Variants in SMYD3 observed in about 807,000 individuals in gnomAD.
SMYD3 encodes SET and MYND domain containing 3, also known as histone-lysine N-methyltransferase SMYD3.
Under a neutral mutation model 57.7 loss-of-function variants are expected in SMYD3, and 36 were observed. The ratio of observed to expected loss-of-function variants is 0.62; its 90% CI spans 0.48 to 0.82. The LOEUF (loss-of-function observed/expected upper bound fraction) is 0.82, where lower values mean the gene tolerates loss of function less well. Among genes scored for constraint, SMYD3 ranks in the 40% least tolerant of loss-of-function variants. SMYD3 has a pLI of 0.00. For missense variants in SMYD3, 515 were observed against 538.8 expected, an observed-to-expected ratio of 0.96 and a Z score of 0.44; for synonymous variants, 211 against 195.0, an observed-to-expected ratio of 1.08 and a Z score of -0.68.
At chr1:245,952,800 C>T (rs1055101704) in intron 5 of SMYD3, among the ~76,000 whole-genome samples, 10 of 152,166 alleles carry the variant, frequency 6.6e-5, no homozygotes, top group South Asian at 6.2e-4. Flanking sequence ...TCGAGCAGAA[C>T]GCTGTGAAAA....
At chr1:245,778,418 G>A (rs114996531) in intron 10 of SMYD3, among the ~76,000 whole-genome samples, 1 of 152,208 alleles carries the variant, frequency 6.6e-6, no homozygotes, top group African/African-American at 2.4e-5. Context: ...ACAATTCAAT[G>A]GAGTAAGGAT....
At chr1:246,144,460 T>C (rs1412095384) in intron 5 of SMYD3, among the ~76,000 whole-genome samples, 1 of 152,216 alleles carries the variant, frequency 6.6e-6, no homozygotes, top group East Asian at 1.9e-4. Flanking sequence ...AATTATACCC[T>C]AGAAGAAAGT....
chr1:245,818,268 C>T (rs556060766), intron 10 of SMYD3, among the ~76,000 whole-genome samples: 14 of 152,276 alleles, frequency 9.2e-5, no homozygotes, highest in Admixed American at 2.6e-4. Flanking sequence ...GAATTTTCAA[C>T]CCAGAATTTC....
At chr1:246,112,979 A>G (rs2061273870) in intron 5 of SMYD3, among the ~76,000 whole-genome samples, 1 of 152,118 alleles carries the variant, frequency 6.6e-6, no homozygotes, top group Non-Finnish European at 1.5e-5. Flanking sequence ...CAGGAGTTCG[A>G]GACCAGCCTG....
chr1:246,344,240 T>C (rs1009205434), intron 2 of SMYD3, among the ~76,000 whole-genome samples: 1 of 152,172 alleles, frequency 6.6e-6, no homozygotes, highest in African/African-American at 2.4e-5. Flanking sequence ...AAGCTACAGA[T>C]GTTAGTACTC....
chr1:246,171,073 G>A (rs939616192), intron 5 of SMYD3, among the ~76,000 whole-genome samples: 1 of 151,768 alleles, frequency 6.6e-6, no homozygotes, highest in Non-Finnish European at 1.5e-5. Context: ...TACATGTTAT[G>A]GTTCTCTATT....
chr1:246,402,980 TGAA>T (rs1230372960), intron 1 of SMYD3, among the ~76,000 whole-genome samples: 1 of 152,180 alleles, frequency 6.6e-6, no homozygotes, highest in Non-Finnish European at 1.5e-5. Context: ...TGAATAAAAA[TGAA>T]GCTCACTCAT....
At chr1:246,159,323 G>A (rs947978123) in intron 5 of SMYD3, among the ~76,000 whole-genome samples, 8 of 152,086 alleles carry the variant, frequency 5.3e-5, no homozygotes, top group South Asian at 2.1e-4. Context: ...GTAGCTCACC[G>A]GGGGCTGCTC....
chr1:246,030,506 G>A (rs943821694), intron 5 of SMYD3, among the ~76,000 whole-genome samples: 2 of 152,138 alleles, frequency 1.3e-5, no homozygotes, highest in African/African-American at 2.4e-5. Context: ...AGCATTGTAC[G>A]CTGAATATGC....
At chr1:246,334,626 C>T (rs542830768) in intron 3 of SMYD3, among the ~76,000 whole-genome samples, 1 of 152,262 alleles carries the variant, frequency 6.6e-6, no homozygotes, top group South Asian at 2.1e-4. Context: ...TGCTCACTAC[C>T]TCGGTGATGG....
chr1:246,168,365 A>G (rs2062259293), intron 5 of SMYD3, among the ~76,000 whole-genome samples: 1 of 152,220 alleles, frequency 6.6e-6, no homozygotes, highest in Non-Finnish European at 1.5e-5. Context: ...AGGAAGTCAC[A>G]GGTTTTTTGC....
intron 5 of SMYD3, among the ~76,000 whole-genome samples, chr1:246,173,507 T>C (rs1000308393): frequency 6.6e-6 from 1 of 152,270 alleles, no homozygotes; most frequent in Non-Finnish European, 1.5e-5. Flanking sequence ...CACTAACACA[T>C]TGTTCAGCTG....
intron 8 of SMYD3, among the ~76,000 whole-genome samples, chr1:245,898,004 G>T (rs965210487): frequency 2.0e-5 from 3 of 152,246 alleles, no homozygotes; most frequent in East Asian, 3.9e-4. Flanking sequence ...AGTGCCTCAG[G>T]CCTCAGTGCA....
At position 246,453,941 on chromosome 1, in the gene SMYD3, T is replaced by C. The variant is rs2067666102; in HGVS notation, c.164+53113A>G. Among the ~76,000 whole-genome samples, 3 of 152,348 alleles carry C rather than the reference T, an allele frequency of 2.0e-5. No individual in the cohort carries two copies. In the South Asian group the frequency reaches 6.2e-4, roughly 32 times the overall value. On this transcript the variant is annotated intron_variant, in intron 1 of 11. Transcript: ENST00000490107. ...GCACTGAAGTTGGGTGAGGATCTGA[T>C]GGAACAAGTGGATCTTCTAGTCGGC...
At chr1:245,948,570 C>CATG (rs1395853465) in intron 5 of SMYD3, among the ~76,000 whole-genome samples, 3 of 152,154 alleles carry the variant, frequency 2.0e-5, no homozygotes, top group Non-Finnish European at 4.4e-5. Context: ...CCACATACTG[C>CATG]TCGAGTCCTA....
At position 246,443,957 on chromosome 1, in the gene SMYD3, T is replaced by TC. The variant is rs2067509780; in HGVS notation, c.164+63096dup. The stretch of plus-strand genomic sequence containing the variant: ...GCTAATCTGCCTTCCCTATAAACCC[T>TC]CCCTCACCACCCATCACCACCACAG... On this transcript the variant is annotated intron_variant, in intron 1 of 11. Coordinates refer to ENST00000490107, the MANE Select transcript of SMYD3 (RefSeq NM_001167740.2). Among the ~76,000 whole-genome samples, 3 of 151,920 alleles carry TC rather than the reference T, an allele frequency of 2.0e-5. No homozygotes were observed. The South Asian group carries it at 6.2e-4, about 32-fold the overall frequency.
At chr1:246,216,078 A>G (rs2148407227) in intron 5 of SMYD3, among the ~76,000 whole-genome samples, 1 of 152,212 alleles carries the variant, frequency 6.6e-6, no homozygotes, top group East Asian at 1.9e-4. Flanking sequence ...TCATGAGGTC[A>G]GCAGTTCAAG....
chr1:245,943,434 G>A (rs944892549), intron 5 of SMYD3, among the ~76,000 whole-genome samples: 7 of 151,956 alleles, frequency 4.6e-5, no homozygotes, highest in Non-Finnish European at 1.0e-4. Context: ...CAAGACTAAA[G>A]CAGGAAGAAG....
intron 5 of SMYD3, among the ~76,000 whole-genome samples, chr1:246,098,593 A>C (rs1197316586): frequency 1.3e-5 from 2 of 152,176 alleles, no homozygotes. Context: ...AGATGACAAA[A>C]TCTTAGAACT....
Sources: gnomAD v4.1 joint callset for allele counts (sites outside exome capture counted in the v4.1 genomes callset) on GRCh38, gnomAD v4.1.1 for gene constraint, MANE v1.5 for transcripts, NCBI Gene and HGNC (gene_info 2026-07-23, HGNC 2026-07-21) for gene names.